MARCHF6: variants seen among roughly 807,000 people sequenced by gnomAD.
MARCHF6 encodes the protein E3 ubiquitin-protein ligase MARCHF6.
A neutral mutation model predicts 133.7 loss-of-function variants in MARCHF6; 31 were observed. The ratio of observed to expected loss-of-function variants is 0.23; its 90% CI spans 0.17 to 0.31. The LOEUF is 0.31. Ranked by LOEUF, MARCHF6 falls within the 10% of genes least tolerant of loss-of-function variation. The pLI, the probability that MARCHF6 is intolerant of heterozygous loss-of-function variation, is 1.00. For missense variants in MARCHF6, 723 were observed against 1,121.6 expected (o/e 0.64, Z 5.08); for synonymous variants, 395 against 402.5 (o/e 0.98, Z 0.22).
At chr5:10,353,951 C>T in intron 1 of MARCHF6, 34 bp downstream of exon 1, 1 of 1,534,234 alleles carries the variant, frequency 6.5e-7, no homozygotes, top group Non-Finnish European at 8.7e-7. Context: ...CGAGCCCTTG[C>T]GTCGGCGCCC....
chr5:10,427,663 G>A (rs1740160056), intron 24 of MARCHF6, among the ~76,000 whole-genome samples: 1 of 152,118 alleles, frequency 6.6e-6, no homozygotes, highest in African/African-American at 2.4e-5. Context: ...AGTGTAACAT[G>A]TATACTTGTA....
intron 2 of MARCHF6, among the ~76,000 whole-genome samples, chr5:10,378,260 G>A (rs1044456263): frequency 2.0e-5 from 3 of 152,172 alleles, no homozygotes; most frequent in Non-Finnish European, 2.9e-5. Context: ...GCCAAGAACT[G>A]TTCTTAGTGG....
chr5:10,421,425 A>G (rs1431397686), intron 22 of MARCHF6, among the ~76,000 whole-genome samples: 3 of 152,264 alleles, frequency 2.0e-5, no homozygotes, highest in African/African-American at 4.8e-5. Context: ...GATAATGTGC[A>G]GCGTGCTATC....
Position 10,415,543 on chromosome 5 carries a change from G to C in MARCHF6, c.2022G>C (p.Glu674Asp). 1 of 1,614,154 alleles carries C rather than the reference G, an allele frequency of 6.2e-7. No individual in the cohort carries two copies. The highest frequency in any genetic ancestry group is 1.1e-5 in the South Asian group (1 of 91,070). Residue 674 changes from glutamate to aspartate, a missense_variant, in exon 21 of 26, where the codon GAG (glutamate) becomes GAC (aspartate). Coordinates refer to ENST00000274140, the MANE Select transcript of MARCHF6 (RefSeq NM_005885.4). ...GGACGGGGACTGCCAAAATCCATGA[G>C]CTCTACACAGCTGCTTGTGGTCTCT... ...SFWTGTAKIH[E>D]LYTAACGLYV... is the part of the protein sequence containing the mutation.
chr5:10,408,213 C>T (rs955989675), intron 17 of MARCHF6, among the ~76,000 whole-genome samples: 5 of 152,158 alleles, frequency 3.3e-5, no homozygotes, highest in South Asian at 4.1e-4. Flanking sequence ...TCCATTCATC[C>T]GCAACACCTC....
chr5:10,414,630 AC>A, intron 20 of MARCHF6, 128 bp downstream of exon 20: 1 of 681,046 alleles, frequency 1.5e-6, no homozygotes, highest in Non-Finnish European at 2.5e-6. Context: ...GCAGCCTTGA[AC>A]TACTGGGCTC....
At chr5:10,399,869 G>T (rs1738422404) in intron 10 of MARCHF6, among the ~76,000 whole-genome samples, 1 of 152,134 alleles carries the variant, frequency 6.6e-6, no homozygotes, top group Non-Finnish European at 1.5e-5. Flanking sequence ...CTGGGATTAG[G>T]TTAACTGTTC....
chr5:10,376,039 C>T (rs1010626785), intron 1 of MARCHF6, among the ~76,000 whole-genome samples: 1 of 152,168 alleles, frequency 6.6e-6, no homozygotes, highest in Non-Finnish European at 1.5e-5. Flanking sequence ...GGCCACTCGG[C>T]TCTACCAATC....
rs542390711 is a variant in MARCHF6 at position 10,429,078 on chromosome 5, G to A, written c.2507-815G>A. The stretch of plus-strand genomic sequence containing the variant: ...TTTTAAGGAGTAAGAGCAGCATTCA[G>A]ATTTCAAACTCAGCTCCAGAGCTTA... On this transcript the variant is annotated intron_variant, in intron 24 of 25. Coordinates refer to ENST00000274140, the MANE Select transcript of MARCHF6 (RefSeq NM_005885.4). Among the ~76,000 whole-genome samples the A allele has an allele frequency of 9.2e-5, 14 of 152,266 alleles. No homozygotes were observed. The South Asian group carries it at 1.2e-3, about 14-fold the overall frequency.
chr5:10,387,844 T>G (rs1737584789), intron 5 of MARCHF6, among the ~76,000 whole-genome samples: 1 of 152,050 alleles, frequency 6.6e-6, no homozygotes, highest in Non-Finnish European at 1.5e-5. Flanking sequence ...GTATTTTTAG[T>G]AGAGATGGGG....
chr5:10,391,514 A>T, intron 6 of MARCHF6, 28 bp from the exon 7 acceptor site: 1 of 1,401,716 alleles, frequency 7.1e-7, no homozygotes, highest in Non-Finnish European at 9.9e-7. Context: ...AAGTGGATCT[A>T]AATTTCTGGG....
At chr5:10,396,767 A>C (rs1406026792) in intron 9 of MARCHF6, among the ~76,000 whole-genome samples, 2 of 152,170 alleles carry the variant, frequency 1.3e-5, no homozygotes, top group Non-Finnish European at 2.9e-5. Flanking sequence ...GAGACAGGAC[A>C]AAGAAAGTCA....
At chr5:10,408,862 C>T (rs931234045) in intron 17 of MARCHF6, among the ~76,000 whole-genome samples, 1 of 152,184 alleles carries the variant, frequency 6.6e-6, no homozygotes, top group African/African-American at 2.4e-5. Context: ...TTAAAATTGT[C>T]TTCATCGTTG....
intron 5 of MARCHF6, among the ~76,000 whole-genome samples, chr5:10,387,453 C>G (rs1737550890): frequency 6.6e-6 from 1 of 151,912 alleles, no homozygotes; most frequent in Admixed American, 6.6e-5. Context: ...CAGGCACTCG[C>G]CAGCATGCCT....
intron 6 of MARCHF6, among the ~76,000 whole-genome samples, chr5:10,390,901 G>A (rs1737790762): frequency 6.6e-6 from 1 of 152,100 alleles, no homozygotes; most frequent in African/African-American, 2.4e-5. Flanking sequence ...TTATAAAAAG[G>A]ACTACAGAAT....
At chr5:10,391,756 C>T in intron 7 of MARCHF6, 25 bp downstream of exon 7, 4 of 1,476,386 alleles carry the variant, frequency 2.7e-6, no homozygotes, top group Non-Finnish European at 3.6e-6. Context: ...TGTGTCCTCA[C>T]TCTTCAGCAC....
intron 19 of MARCHF6, among the ~76,000 whole-genome samples, chr5:10,413,700 G>A (rs915354993): frequency 5.9e-5 from 9 of 152,208 alleles, no homozygotes; most frequent in Non-Finnish European, 1.2e-4. Flanking sequence ...CATGGCAGCA[G>A]GCAAGGGAGC....
chr5:10,388,519 T>C (rs535017758), intron 5 of MARCHF6, among the ~76,000 whole-genome samples: 1 of 152,344 alleles, frequency 6.6e-6, no homozygotes, highest in South Asian at 2.1e-4. Flanking sequence ...GCTACCATTT[T>C]ATTTGCTTAT....
At chr5:10,382,946 A>C (rs1737243586) in intron 4 of MARCHF6, among the ~76,000 whole-genome samples, 1 of 152,204 alleles carries the variant, frequency 6.6e-6, no homozygotes, top group Non-Finnish European at 1.5e-5. Flanking sequence ...CAACCCCCCT[A>C]ATCAATCCAA....
Sources: gnomAD v4.1 joint callset for allele counts (sites outside exome capture counted in the v4.1 genomes callset) on GRCh38, gnomAD v4.1.1 for gene constraint, MANE v1.5 for transcripts, NCBI Gene and HGNC (gene_info 2026-07-23, HGNC 2026-07-21) for gene names.